The following FAM135B variants were observed in gnomAD, a reference collection of about 807,000 sequenced individuals.
FAM135B encodes protein FAM135B.
Under a neutral mutation model 127.7 loss-of-function variants are expected in FAM135B, and 43 were observed. The ratio of observed to expected loss-of-function variants is 0.34; its 90% CI spans 0.26 to 0.43. The LOEUF (loss-of-function observed/expected upper bound fraction) is 0.43, where lower values mean the gene tolerates loss of function less well. Among genes scored for constraint, FAM135B ranks in the 20% least tolerant of loss-of-function variants. The pLI, the probability that FAM135B is intolerant of heterozygous loss-of-function variation, is 1.00. For missense variants in FAM135B, 1,558 were observed against 1,725.6 expected, an observed-to-expected ratio of 0.90 and a Z score of 1.72; for synonymous variants, 670 against 665.1, an observed-to-expected ratio of 1.01 and a Z score of -0.11.
chr8:138,225,986 G>C (rs1819396367), intron 7 of FAM135B, among the ~76,000 whole-genome samples: 1 of 152,148 alleles, frequency 6.6e-6, no homozygotes, highest in Non-Finnish European at 1.5e-5. Flanking sequence ...TGGAATTCAT[G>C]TTTAATTAGA....
intron 3 of FAM135B, among the ~76,000 whole-genome samples, chr8:138,275,776 C>G (rs1231834666): frequency 6.6e-6 from 1 of 152,118 alleles, no homozygotes; most frequent in Non-Finnish European, 1.5e-5. Context: ...AATCTAAAGT[C>G]TTTACTATGG....
intron 1 of FAM135B, among the ~76,000 whole-genome samples, chr8:138,424,644 T>C (rs915284141): frequency 6.6e-6 from 1 of 152,212 alleles, no homozygotes; most frequent in African/African-American, 2.4e-5. Flanking sequence ...TTATGTGGTT[T>C]GTTCAAGGAT....
At chr8:138,143,375 C>T (rs1817381476) in intron 15 of FAM135B, among the ~76,000 whole-genome samples, 1 of 152,210 alleles carries the variant, frequency 6.6e-6, no homozygotes, top group Non-Finnish European at 1.5e-5. Flanking sequence ...GACTGCCACA[C>T]CACGTGCCTG....
intron 1 of FAM135B, among the ~76,000 whole-genome samples, chr8:138,462,315 T>C (rs192897154): frequency 2.6e-5 from 4 of 152,300 alleles, no homozygotes; most frequent in African/African-American, 9.6e-5. Flanking sequence ...TATTTTTGTT[T>C]TCGTAACTGT....
rs1820806519 is a variant in FAM135B at position 138,241,876 on chromosome 8, T to C, written c.669+1066A>G. ...ATAAAGCAGATAGCCCTCTCCAACATGAATAGGCCTTATCCAATCCATTGA... is the reference window on the plus strand; with the variant it reads ...ATAAAGCAGATAGCCCTCTCCAACACGAATAGGCCTTATCCAATCCATTGA... On this transcript the variant is annotated intron_variant, in intron 7 of 19. Transcript: ENST00000395297. This position sits in a 1 kb window ranked among gnomAD's most constrained non-coding sequence, Gnocchi z 4.8. Among the ~76,000 whole-genome samples the C allele has an allele frequency of 6.6e-6, 1 of 152,158 alleles. No individual in the cohort carries two copies. Among genetic ancestry groups the C allele is most frequent in the Non-Finnish European group, 1.5e-5 (1 of 68,028 alleles).
At chr8:138,421,051 C>A (rs1209633907) in intron 1 of FAM135B, among the ~76,000 whole-genome samples, 1 of 152,216 alleles carries the variant, frequency 6.6e-6, no homozygotes, top group Admixed American at 6.5e-5. Context: ...GTGGCTCACG[C>A]CTGTAATCCC....
At chr8:138,388,953 C>A (rs1259641059) in intron 1 of FAM135B, among the ~76,000 whole-genome samples, 2 of 151,530 alleles carry the variant, frequency 1.3e-5, no homozygotes, top group Non-Finnish European at 2.9e-5. Context: ...ATATATATAT[C>A]CCCCCTCTGA....
intron 7 of FAM135B, among the ~76,000 whole-genome samples, chr8:138,211,796 G>A (rs554048519): frequency 6.6e-6 from 1 of 152,264 alleles, no homozygotes; most frequent in Admixed American, 6.5e-5. Context: ...GTCTGGGCAT[G>A]GTGGCTCACT....
chr8:138,408,174 G>T (rs1440903978), intron 1 of FAM135B, among the ~76,000 whole-genome samples: 1 of 152,176 alleles, frequency 6.6e-6, no homozygotes, highest in African/African-American at 2.4e-5. Flanking sequence ...TGGAAGCTTT[G>T]AAGCCAGGCA....
At chr8:138,444,944 G>C (rs1836027235) in intron 1 of FAM135B, among the ~76,000 whole-genome samples, 1 of 152,050 alleles carries the variant, frequency 6.6e-6, no homozygotes, top group South Asian at 2.1e-4. Context: ...GAATCAAATA[G>C]CCGCAATAAA....
At chr8:138,279,404 T>C (rs1454557498) in intron 3 of FAM135B, among the ~76,000 whole-genome samples, 2 of 152,226 alleles carry the variant, frequency 1.3e-5, no homozygotes, top group African/African-American at 4.8e-5. Context: ...TTTATTGAAT[T>C]GATAGCATCA....
intron 16 of FAM135B, 110 bp downstream of exon 16, chr8:138,142,902 G>T: frequency 3.1e-6 from 2 of 637,990 alleles, no homozygotes; most frequent in Non-Finnish European, 5.7e-6. Flanking sequence ...TCACAAGTTA[G>T]CTTAGCTCAG....
At chr8:138,200,965 C>A (rs1451833141) in intron 7 of FAM135B, among the ~76,000 whole-genome samples, 1 of 152,308 alleles carries the variant, frequency 6.6e-6, no homozygotes, top group African/African-American at 2.4e-5. Context: ...AGGGCTGATG[C>A]GAGCTTGTCC....
intron 2 of FAM135B, among the ~76,000 whole-genome samples, chr8:138,337,639 C>T (rs1309689921): frequency 2.0e-5 from 3 of 152,130 alleles, no homozygotes; most frequent in Non-Finnish European, 4.4e-5. Context: ...ACATTCCATG[C>T]TCATGGGTAG....
chr8:138,197,402 G>A (rs2131133409), intron 8 of FAM135B, 114 bp downstream of exon 8: 3 of 1,302,900 alleles, frequency 2.3e-6, no homozygotes, highest in Non-Finnish European at 3.1e-6. Context: ...AAACCTACCT[G>A]GACCAGGGTT....
intron 1 of FAM135B, among the ~76,000 whole-genome samples, chr8:138,384,592 T>C (rs1832068930): frequency 6.6e-6 from 1 of 152,034 alleles, no homozygotes; most frequent in Non-Finnish European, 1.5e-5. Flanking sequence ...ACATTGGGTT[T>C]TCTGCCAAGT....
intron 2 of FAM135B, among the ~76,000 whole-genome samples, chr8:138,335,559 A>G (rs1167078657): frequency 1.3e-5 from 2 of 152,212 alleles, no homozygotes; most frequent in African/African-American, 2.4e-5. Context: ...AGATCTAACT[A>G]TCCTAAATAT....
At chr8:138,289,805 G>A (rs146088249) in intron 3 of FAM135B, among the ~76,000 whole-genome samples, 1,636 of 152,234 alleles carry the variant, frequency 0.011, 10 homozygotes, top group Middle Eastern at 0.031. Flanking sequence ...TTTGCTGAGT[G>A]CAAGCAAAAG....
intron 1 of FAM135B, among the ~76,000 whole-genome samples, chr8:138,494,849 A>T (rs73717278): frequency 6.7e-6 from 1 of 150,000 alleles, no homozygotes; most frequent in Admixed American, 6.6e-5. Context: ...AAAAAAAAAA[A>T]AAACTTAATC....
Sources: allele counts gnomAD v4.1 joint callset (sites outside exome capture counted in the v4.1 genomes callset), GRCh38; gene constraint gnomAD v4.1.1; non-coding constraint Gnocchi (gnomAD v3.1); transcripts MANE v1.5; gene names NCBI Gene and HGNC (gene_info 2026-07-23, HGNC 2026-07-21).